SPC25: variants seen among roughly 807,000 people sequenced by gnomAD.
SPC25 encodes the protein kinetochore protein Spc25.
In SPC25, 22 loss-of-function variants were observed where a neutral mutation model predicts 29.6. The ratio of observed to expected loss-of-function variants is 0.74; its 90% CI spans 0.53 to 1.06. The LOEUF (loss-of-function observed/expected upper bound fraction) is 1.06, where lower values mean the gene tolerates loss of function less well. Among genes scored for constraint, SPC25 ranks in the 50% least tolerant of loss-of-function variants. The pLI, the probability that SPC25 is intolerant of heterozygous loss-of-function variation, is 0.00. For synonymous variants in SPC25, 91 were observed against 90.4 expected, an observed-to-expected ratio of 1.01 and a Z score of -0.04; for missense variants, 230 against 255.8, an observed-to-expected ratio of 0.90 and a Z score of 0.69.
chr2:168,861,851 A>C, intron 4 of SPC25: 1 of 997,364 alleles, frequency 1.0e-6, no homozygotes, highest in Non-Finnish European at 1.5e-6. Flanking sequence ...TTTGAGAAAA[A>C]TTTAATATAT....
At chr2:168,864,826 T>C (rs369879274) in intron 4 of SPC25, 15 of 1,613,682 alleles carry the variant, frequency 9.3e-6, no homozygotes, top group Non-Finnish European at 1.3e-5. Flanking sequence ...CTAACTGTAT[T>C]TTCACAGGTG....
downstream of SPC25, chr2:168,870,873 T>A (rs576399351): frequency 1.3e-5 from 2 of 151,494 alleles, no homozygotes; most frequent in East Asian, 1.9e-4. Context: ...ACCCAAGGGA[T>A]TATAAATCAT....
At chr2:168,870,469 G>A (rs1360454681), downstream of SPC25, among the ~76,000 whole-genome samples, 6 of 151,148 alleles carry the variant, frequency 4.0e-5, no homozygotes, top group African/African-American at 1.5e-4. Context: ...CTGACAAAGG[G>A]CTAATATCCA....
intron 3 of SPC25, among the ~76,000 whole-genome samples, chr2:168,888,486 C>T (rs1489800771): frequency 6.6e-6 from 1 of 151,578 alleles, no homozygotes; most frequent in Non-Finnish European, 1.5e-5. Context: ...ACCCAGGAGG[C>T]GGAGCTTGCA....
intron 3 of SPC25, among the ~76,000 whole-genome samples, chr2:168,881,493 G>A (rs1690177332): frequency 1.3e-5 from 2 of 152,188 alleles, no homozygotes; most frequent in Admixed American, 1.3e-4. Flanking sequence ...ATGCCAATCA[G>A]GGGGCTAGAC....
downstream of SPC25, among the ~76,000 whole-genome samples, chr2:168,870,543 C>T (rs1446685850): frequency 2.2e-4 from 34 of 151,896 alleles, no homozygotes; most frequent in African/African-American, 5.1e-4. Context: ...AAAAAGTGGG[C>T]GAAGGATATG....
At position 168,873,627 on chromosome 2, in the gene SPC25, A is replaced by G. The variant is rs1228329124; in HGVS notation, c.508T>C (p.Phe170Leu). 1 of 1,611,678 alleles carries G rather than the reference A, an allele frequency of 6.2e-7. No homozygotes were observed. Residue 170 changes from phenylalanine (F) to leucine (L), a missense_variant, in exon 6 of 7, where the codon TTT becomes CTT. Coordinates refer to ENST00000282074, the MANE Select transcript of SPC25 (RefSeq NM_020675.4). ...TCATTGAGATGTAAGGAAAACATAA[A>G]TGGGCTCTCAGGATTCTTAGGGTCA... is the stretch of plus-strand genomic sequence containing the variant. ...NIDPKNPESP[F>L]MFSLHLNEAR...
rs751630750 is a variant in SPC25, at chr2:168,889,490, A to T, written c.30T>A (p.Asp10Glu). ...TATTCCAAAATTCATTTATGCTTTT[A>T]TCGAAAAGTGCCAGTTCGTCCTCTA... Reference protein sequence around the residue: MVEDELALFDKSINEFWNKF... With the variant: MVEDELALFEKSINEFWNKF... Residue 10 changes from aspartate to glutamate, a missense_variant, in exon 2 of 7, where the codon GAT becomes GAA. Asp to Glu is a conservative substitution (Grantham distance 45). Coordinates refer to ENST00000282074, the MANE Select transcript of SPC25 (RefSeq NM_020675.4). 2.5e-6 allele frequency: 4 copies of T among 1,613,848 alleles called. No homozygotes were observed. The highest frequency in any genetic ancestry group is 3.4e-6 in the Non-Finnish European group (4 of 1,179,970).
At chr2:168,878,667 TTTGTGGTACTACACC>T (rs1690127620) in intron 3 of SPC25, among the ~76,000 whole-genome samples, 1 of 152,216 alleles carries the variant, frequency 6.6e-6, no homozygotes, top group Non-Finnish European at 1.5e-5. Flanking sequence ...CCTATCAGAA[TTTGTGGTACTACACC>T]CCAAAAAAAT....
intron 4 of SPC25, among the ~76,000 whole-genome samples, chr2:168,863,886 A>AAGGATATATGATCCAAC (rs1689661640): frequency 6.6e-6 from 1 of 152,134 alleles, no homozygotes; most frequent in Non-Finnish European, 1.5e-5. Context: ...CAGGCAGCAT[A>AAGGATATATGATCCAAC]AGGATATATG....
chr2:168,864,769 T>C, intron 4 of SPC25: 2 of 1,579,790 alleles, frequency 1.3e-6, no homozygotes. Context: ...TTAAAACTCT[T>C]ATCAATCGGG....
chr2:168,870,653 T>C (rs1451147686), downstream of SPC25, among the ~76,000 whole-genome samples: 7 of 151,314 alleles, frequency 4.6e-5, 1 homozygote, highest in Admixed American at 3.9e-4. Context: ...AAAACCACAA[T>C]GAGATACCAT....
intron 3 of SPC25, among the ~76,000 whole-genome samples, chr2:168,887,466 A>C (rs1300613372): frequency 6.6e-6 from 1 of 152,050 alleles, no homozygotes; most frequent in Non-Finnish European, 1.5e-5. Context: ...GAAAGTAAAC[A>C]TGGGTAAAAG....
chr2:168,884,272 T>A (rs1403621800), intron 3 of SPC25, among the ~76,000 whole-genome samples: 1 of 152,224 alleles, frequency 6.6e-6, no homozygotes, highest in African/African-American at 2.4e-5. Context: ...TTTCTTAACC[T>A]CAGTGAGCTT....
Position 168,889,428 on chromosome 2 carries a change from C to T in SPC25, c.92G>A (p.Gly31Glu). The change falls in exon 2 of 7, where the codon GGA (glycine) becomes GAA (glutamate). Residue 31 changes from glycine to glutamate, a missense_variant. Gly to Glu is a moderately conservative substitution (Grantham distance 98). Coordinates refer to ENST00000282074, the MANE Select transcript of SPC25 (RefSeq NM_020675.4). ...KSTDTSCQMA[G>E]LRDTYKDSIK... ...GGAATCCTTGTAGGTATCTCTTAGT[C>T]CCGCCATCTGACAGGAGGTGTCCGT... The T allele has an allele frequency of 1.2e-6, 2 of 1,614,130 alleles. No individual in the cohort carries two copies. The highest frequency in any genetic ancestry group is 1.7e-6 in the Non-Finnish European group (2 of 1,180,020).
intron 3 of SPC25, among the ~76,000 whole-genome samples, 163 bp from the exon 4 acceptor site, chr2:168,877,547 A>C (rs527420851): frequency 6.6e-6 from 1 of 152,094 alleles, no homozygotes; most frequent in African/African-American, 2.4e-5. Context: ...AAGAAAAAAA[A>C]CCTAATCTAT....
chr2:168,869,994 G>T (rs1346369580), downstream of SPC25, among the ~76,000 whole-genome samples: 1 of 152,136 alleles, frequency 6.6e-6, no homozygotes, highest in Non-Finnish European at 1.5e-5. Context: ...GCATGGTACT[G>T]GTACCAAAAC....
At chr2:168,882,229 T>C (rs78125482) in intron 3 of SPC25, among the ~76,000 whole-genome samples, 2,168 of 152,388 alleles carry the variant, frequency 0.014, 21 homozygotes, top group Non-Finnish European at 0.02. Context: ...ATAAATTCTT[T>C]AGTCTTTTAC....
At chr2:168,890,284 C>G (rs1574368416) in intron 1 of SPC25, 34 bp downstream of exon 1, 1 of 959,808 alleles carries the variant, frequency 1.0e-6, no homozygotes, top group Non-Finnish European at 1.2e-6. Context: ...GACAGGGGGG[C>G]CAAGGAGCCC....
Sources: gnomAD v4.1 joint callset for allele counts (sites outside exome capture counted in the v4.1 genomes callset) on GRCh38, gnomAD v4.1.1 for gene constraint, MANE v1.5 for transcripts, NCBI Gene and HGNC (gene_info 2026-07-23, HGNC 2026-07-21) for gene names.